Variants in TMEM17 observed in about 807,000 individuals in gnomAD.
TMEM17 encodes transmembrane protein 17.
TMEM17 carries 15 observed loss-of-function variants against 19.1 expected under a neutral mutation model. The observed-to-expected ratio is 0.78, with a 90% CI of 0.52 to 1.21. The LOEUF is 1.21. Ranked by LOEUF, TMEM17 falls within the 50% of genes most tolerant of loss-of-function variation. TMEM17 has a pLI of 0.00. For missense variants in TMEM17, 245 were observed against 242.3 expected (o/e 1.01, Z -0.07); for synonymous variants, 103 against 86.9 (o/e 1.19, Z -1.03).
At chr2:62,480,501 T>A in the TMEM17 span, among the ~76,000 whole-genome samples, 3 of 152,202 alleles carry the variant, frequency 2.0e-5, no homozygotes, top group Non-Finnish European at 4.4e-5. Flanking sequence ...AGATCAATGT[T>A]CTAAGTTGTT....
the TMEM17 span, among the ~76,000 whole-genome samples, chr2:62,470,286 C>T: frequency 6.6e-6 from 1 of 152,206 alleles, no homozygotes; most frequent in Non-Finnish European, 1.5e-5. Flanking sequence ...ATCACAGGAT[C>T]CTGGGGCTGG....
the TMEM17 span, among the ~76,000 whole-genome samples, chr2:62,465,523 A>G: frequency 6.6e-6 from 1 of 152,138 alleles, no homozygotes; most frequent in East Asian, 1.9e-4. Flanking sequence ...CTGTAATCCT[A>G]GCACTTTGGG....
the TMEM17 span, among the ~76,000 whole-genome samples, chr2:62,489,548 A>G: frequency 2.6e-5 from 4 of 152,258 alleles, no homozygotes; most frequent in Admixed American, 1.3e-4. Flanking sequence ...TCACTCTTCA[A>G]TCCATATGCT....
chr2:62,501,728 C>A, intron 3 of TMEM17: 1 of 433,714 alleles, frequency 2.3e-6, no homozygotes, highest in Non-Finnish European at 4.1e-6. Flanking sequence ...TTTAGAAGTA[C>A]AGACTAAATG....
At chr2:62,464,442 A>C in the TMEM17 span, among the ~76,000 whole-genome samples, 1 of 152,224 alleles carries the variant, frequency 6.6e-6, no homozygotes, top group Non-Finnish European at 1.5e-5. Flanking sequence ...TGAGTAAACA[A>C]GGCACCCCTG....
chr2:62,498,633 G>T (rs552624954), downstream of TMEM17, among the ~76,000 whole-genome samples: 1 of 140,884 alleles, frequency 7.1e-6, no homozygotes, highest in Non-Finnish European at 1.5e-5. Flanking sequence ...GGAGAATGGC[G>T]TGAACCCGGG....
chr2:62,490,867 A>G, the TMEM17 span, among the ~76,000 whole-genome samples: 1 of 152,056 alleles, frequency 6.6e-6, no homozygotes, highest in Non-Finnish European at 1.5e-5. Context: ...ACCTGAGGCC[A>G]GGAGTTTGAG....
Position 62,501,036 on chromosome 2 carries a change from A to T in TMEM17, c.*173T>A. The T allele has an allele frequency of 1.6e-6, 1 of 611,088 alleles. No individual in the cohort carries two copies. The highest frequency in any genetic ancestry group is 2.6e-6 in the Non-Finnish European group (1 of 385,162). 37.9% of individuals were successfully genotyped at this position (611,088 alleles called of 1,614,324 possible). On this transcript the variant is annotated 3_prime_UTR_variant, in exon 4 of 4. Transcript: ENST00000335390. ...AACATCTAGGTTTTAGGGTTAATAT[A>T]CTGTTTCATATACTGTACAAAGTTT...
At chr2:62,461,595 G>C in the TMEM17 span, among the ~76,000 whole-genome samples, 1 of 152,186 alleles carries the variant, frequency 6.6e-6, no homozygotes, top group East Asian at 1.9e-4. Context: ...AGATGGCCAA[G>C]TTCCTGTTGG....
chr2:62,504,684 T>C (rs1408619373), intron 1 of TMEM17, among the ~76,000 whole-genome samples: 1 of 152,116 alleles, frequency 6.6e-6, no homozygotes, highest in Admixed American at 6.5e-5. Flanking sequence ...AATTAAAACA[T>C]ACAATATAAA....
chr2:62,505,351 A>C (rs1680037741), intron 1 of TMEM17, among the ~76,000 whole-genome samples: 1 of 152,218 alleles, frequency 6.6e-6, no homozygotes, highest in African/African-American at 2.4e-5. Context: ...CCTTATGATA[A>C]GAGTTACATA....
At chr2:62,460,797 ACTGGAACC>A in the TMEM17 span, among the ~76,000 whole-genome samples, 46 of 152,266 alleles carry the variant, frequency 3.0e-4, no homozygotes, top group Admixed American at 1.2e-3. Context: ...AACCTTTTGA[ACTGGAACC>A]CTTGCCTCAT....
chr2:62,471,586 T>A, the TMEM17 span, among the ~76,000 whole-genome samples: 5 of 152,260 alleles, frequency 3.3e-5, no homozygotes, highest in Admixed American at 3.3e-4. Context: ...TTAATCTTTG[T>A]GTCTCAATCC....
Position 62,501,176 on chromosome 2 carries a change from T to G in TMEM17, c.*33A>C. On this transcript the variant is annotated 3_prime_UTR_variant, in exon 4 of 4. Coordinates refer to ENST00000335390, the MANE Select transcript of TMEM17 (RefSeq NM_198276.3). Reference sequence around the variant, plus strand: ...TTCCTAACTCTTACAGTCTCTAGAATGATCTGTCAGATTTTCACTCAACAA... The same window carrying G: ...TTCCTAACTCTTACAGTCTCTAGAAGGATCTGTCAGATTTTCACTCAACAA... 1 of 1,599,658 alleles carries G rather than the reference T, an allele frequency of 6.3e-7. No individual in the cohort carries two copies. The highest frequency in any genetic ancestry group is 8.5e-7 in the Non-Finnish European group (1 of 1,171,116).
chr2:62,480,751 T>C, the TMEM17 span, among the ~76,000 whole-genome samples: 4 of 152,242 alleles, frequency 2.6e-5, no homozygotes, highest in Non-Finnish European at 4.4e-5. Context: ...GGTTCTCTAT[T>C]CTGTGCCATG....
intron 3 of TMEM17, chr2:62,501,732 C>T (rs1216263909): frequency 4.9e-6 from 2 of 410,152 alleles, no homozygotes; most frequent in Non-Finnish European, 8.6e-6. Context: ...GAAGTACAGA[C>T]TAAATGCTAC....
At chr2:62,476,063 C>T in the TMEM17 span, among the ~76,000 whole-genome samples, 1 of 151,086 alleles carries the variant, frequency 6.6e-6, no homozygotes, top group Non-Finnish European at 1.5e-5. Flanking sequence ...AGCAAGCAGC[C>T]TTCCCACTGG....
downstream of TMEM17, among the ~76,000 whole-genome samples, chr2:62,495,494 A>C (rs999029326): frequency 2.0e-5 from 3 of 152,110 alleles, no homozygotes; most frequent in Non-Finnish European, 4.4e-5. Context: ...TTGATTTAAA[A>C]CCCCCAAATT....
the TMEM17 span, among the ~76,000 whole-genome samples, chr2:62,460,676 C>T: frequency 1.1e-3 from 171 of 152,248 alleles, 1 homozygote; most frequent in Non-Finnish European, 1.9e-3. Flanking sequence ...TCCTGAAGGT[C>T]GCATTTTTTC....
Sources: gnomAD v4.1 joint callset for allele counts (sites outside exome capture counted in the v4.1 genomes callset) on GRCh38, gnomAD v4.1.1 for gene constraint, MANE v1.5 for transcripts, NCBI Gene and HGNC (gene_info 2026-07-23, HGNC 2026-07-21) for gene names.